Variants in TMEM132C observed in about 807,000 individuals in gnomAD.
TMEM132C encodes the protein protein phosphatase 1, regulatory subunit 152.
A neutral mutation model predicts 61.4 loss-of-function variants in TMEM132C; 29 were observed. The ratio of observed to expected loss-of-function variants is 0.47; its 90% CI spans 0.35 to 0.64. The LOEUF (loss-of-function observed/expected upper bound fraction) is 0.64, where lower values mean the gene tolerates loss of function less well. TMEM132C is among the 30% of genes least tolerant of loss of function. The pLI, the probability that TMEM132C is intolerant of heterozygous loss-of-function variation, is 0.00. For synonymous variants in TMEM132C, 656 were observed against 633.1 expected (o/e 1.04, Z -0.54); for missense variants, 1,408 against 1,476.9 (o/e 0.95, Z 0.76).
At chr12:128,307,361 A>G (rs1269750207) in intron 1 of TMEM132C, among the ~76,000 whole-genome samples, 2 of 152,134 alleles carry the variant, frequency 1.3e-5, no homozygotes, top group African/African-American at 4.8e-5. Context: ...AAATTCAGCA[A>G]TGTCTAAGTA....
At chr12:128,602,998 T>C (rs1378255484) in intron 3 of TMEM132C, among the ~76,000 whole-genome samples, 4 of 152,198 alleles carry the variant, frequency 2.6e-5, no homozygotes, top group Non-Finnish European at 4.4e-5. Flanking sequence ...TATTTCTCAC[T>C]ATAAGTTGGA....
intron 1 of TMEM132C, among the ~76,000 whole-genome samples, chr12:128,399,498 A>G (rs928010425): frequency 1.3e-5 from 2 of 152,208 alleles, no homozygotes; most frequent in African/African-American, 2.4e-5. Flanking sequence ...TGCTTGTATT[A>G]TACAACTCTA....
At chr12:128,432,374 T>C (rs1423500351) in intron 2 of TMEM132C, among the ~76,000 whole-genome samples, 1 of 152,192 alleles carries the variant, frequency 6.6e-6, no homozygotes, top group Non-Finnish European at 1.5e-5. Flanking sequence ...GCAAAGTAAA[T>C]GGAAAACCTT....
chr12:128,393,211 A>G (rs1518375), intron 1 of TMEM132C, among the ~76,000 whole-genome samples: 57,404 of 152,080 alleles, frequency 0.38, 11,914 homozygotes, highest in African/African-American at 0.56. Flanking sequence ...CTTTTGAAAT[A>G]TCCTGAAATT....
At chr12:128,293,678 C>T (rs1037341810) in intron 1 of TMEM132C, among the ~76,000 whole-genome samples, 2 of 152,140 alleles carry the variant, frequency 1.3e-5, no homozygotes, top group Non-Finnish European at 2.9e-5. Flanking sequence ...TTTGTAAACT[C>T]TCAGGTCTCT....
Position 128,706,499 on chromosome 12 carries a change from AG to A in TMEM132C, c.*208del, listed in dbSNP as rs1215246991. 1.9e-5 allele frequency: 12 copies of A among 633,098 alleles called. No individual in the cohort carries two copies. In the Admixed American group the frequency reaches 4.3e-4, roughly 23 times the overall value. 39.2% of individuals were successfully genotyped at this position (633,098 alleles called of 1,614,324 possible). A position where few individuals can be genotyped will look rare whatever the true frequency, so the allele number is the denominator to read the frequency against. On this transcript the variant is annotated 3_prime_UTR_variant, in exon 9 of 9. Coordinates refer to ENST00000435159, the MANE Select transcript of TMEM132C (RefSeq NM_001136103.3). ...TAATGGTGGTGGATTTTTAAAGGTC[AG>A]GGGAATAAAGTCTGGGGCATGGGGA... is the stretch of plus-strand genomic sequence containing the variant.
intron 2 of TMEM132C, among the ~76,000 whole-genome samples, chr12:128,456,614 C>T (rs1870353848): frequency 6.6e-6 from 1 of 151,540 alleles, no homozygotes; most frequent in Admixed American, 6.6e-5. Flanking sequence ...CACAATGTTA[C>T]CCAGGCCAGT....
rs556891978 is a variant in TMEM132C, at chr12:128,336,947, G to A, written c.85+69460G>A. Among the ~76,000 whole-genome samples, 52 of 152,268 alleles carry A rather than the reference G, an allele frequency of 3.4e-4. 1 individual carries two copies. In the South Asian group the frequency reaches 8.9e-3, roughly 26 times the overall value. On this transcript the variant is annotated intron_variant, in intron 1 of 8. Coordinates refer to ENST00000435159, the MANE Select transcript of TMEM132C (RefSeq NM_001136103.3). The stretch of plus-strand genomic sequence containing the variant: ...TGCCAGCTTGGGTTGAGACTCCATT[G>A]CTTTTATGTGGAATGTTTTTATTTT...
chr12:128,444,663 A>G (rs1869912238), intron 2 of TMEM132C, among the ~76,000 whole-genome samples: 1 of 152,208 alleles, frequency 6.6e-6, no homozygotes. Flanking sequence ...CCTAGAAGAA[A>G]ACAAACTCCA....
intron 2 of TMEM132C, chr12:128,437,654 G>C (rs993568574): frequency 2.0e-5 from 3 of 152,222 alleles, no homozygotes; most frequent in African/African-American, 7.2e-5. Flanking sequence ...AACTTGTTCT[G>C]TGAGCATATT....
intron 1 of TMEM132C, among the ~76,000 whole-genome samples, chr12:128,271,267 T>TATAATA (rs72149112): frequency 0.021 from 2,942 of 143,008 alleles, 38 homozygotes; most frequent in East Asian, 0.033. Context: ...ATAATAATAA[T>TATAATA]ATAATAATAA....
chr12:128,686,787 A>T (rs1283260076), intron 5 of TMEM132C, among the ~76,000 whole-genome samples: 1 of 152,184 alleles, frequency 6.6e-6, no homozygotes, highest in African/African-American at 2.4e-5. Flanking sequence ...GGTTCTCCTG[A>T]GGGAGGACAC....
At chr12:128,339,309 G>A (rs1872885279) in intron 1 of TMEM132C, among the ~76,000 whole-genome samples, 1 of 152,048 alleles carries the variant, frequency 6.6e-6, no homozygotes, top group Non-Finnish European at 1.5e-5. Flanking sequence ...AGCCATGGGA[G>A]CCCAGGGGGT....
At chr12:128,330,805 G>T (rs55809380) in intron 1 of TMEM132C, among the ~76,000 whole-genome samples, 8,062 of 152,168 alleles carry the variant, frequency 0.053, 689 homozygotes, top group African/African-American at 0.18. Context: ...TAGGAAGGTA[G>T]ACTATGAAAA....
chr12:128,573,216 T>C (rs991744858), intron 3 of TMEM132C, among the ~76,000 whole-genome samples: 7 of 152,146 alleles, frequency 4.6e-5, no homozygotes, highest in Non-Finnish European at 8.8e-5. Context: ...TGTCTATCAA[T>C]GATAGACTGG....
intron 2 of TMEM132C, among the ~76,000 whole-genome samples, chr12:128,460,112 GT>G (rs1870484227): frequency 6.6e-6 from 1 of 152,100 alleles, no homozygotes; most frequent in Non-Finnish European, 1.5e-5. Flanking sequence ...AAGAGAACTC[GT>G]TGGGAGATAG....
chr12:128,460,756 T>TC (rs1870504663), intron 2 of TMEM132C, among the ~76,000 whole-genome samples: 4 of 152,154 alleles, frequency 2.6e-5, no homozygotes, highest in African/African-American at 7.2e-5. Context: ...TCATGCACCC[T>TC]CCTGTCCTAA....
At chr12:128,406,404 C>T (rs1034309443) in intron 1 of TMEM132C, among the ~76,000 whole-genome samples, 4 of 152,172 alleles carry the variant, frequency 2.6e-5, no homozygotes, top group African/African-American at 9.7e-5. Flanking sequence ...TCCCATGGAG[C>T]TTCCAGTCTG....
chr12:128,391,621 T>G (rs896628710), intron 1 of TMEM132C, among the ~76,000 whole-genome samples: 1 of 152,232 alleles, frequency 6.6e-6, no homozygotes, highest in Non-Finnish European at 1.5e-5. Flanking sequence ...TTCATCCTTA[T>G]GAACTATCCA....
Sources: allele counts gnomAD v4.1 joint callset (sites outside exome capture counted in the v4.1 genomes callset), GRCh38; gene constraint gnomAD v4.1.1; transcripts MANE v1.5; gene names NCBI Gene and HGNC (gene_info 2026-07-23, HGNC 2026-07-21).